The following C16orf96 variants were observed in gnomAD, a reference collection of about 807,000 sequenced individuals.
The protein encoded by C16orf96 is chromosome 16 open reading frame 96.
In C16orf96, 108 loss-of-function variants were observed where a neutral mutation model predicts 103.6. The observed-to-expected ratio is 1.04, with a 90% confidence interval of 0.89 to 1.22. The LOEUF is 1.22. C16orf96 is among the 50% of genes most tolerant of loss of function. The pLI, the probability that C16orf96 is intolerant of heterozygous loss-of-function variation, is 0.00. For missense variants in C16orf96, 1,586 were observed against 1,464.2 expected (o/e 1.08, Z -1.36); for synonymous variants, 566 against 593.5 (o/e 0.95, Z 0.67).
chr16:4,579,668 G>A (rs1292149526), intron 6 of C16orf96, among the ~76,000 whole-genome samples: 2 of 147,958 alleles, frequency 1.4e-5, no homozygotes, highest in Admixed American at 1.4e-4. Flanking sequence ...CTGGAGTGCA[G>A]TGGCGTGACC....
At position 4,575,589 on chromosome 16, in the gene C16orf96, T is replaced by TTGGACCTGTGCC; in HGVS notation, c.1112_1123dup (p.Gly371_Pro374dup). 6.6e-7 allele frequency: 1 copy of TTGGACCTGTGCC among 1,519,708 alleles called. No homozygotes were observed. Among genetic ancestry groups the TTGGACCTGTGCC allele is most frequent in the Non-Finnish European group, 8.8e-7 (1 of 1,133,840 alleles). 94.1% of individuals were successfully genotyped at this position (1,519,708 alleles called of 1,614,324 possible). ...TCCTTGCCAGCACCTTGGCCTGTGC[T>TTGGACCTGTGCC]TGGACCTGTGCCTGCCCCAGGTGCC... On this transcript the variant is annotated inframe_insertion, in exon 5 of 16. Coordinates refer to ENST00000444310, the MANE Select transcript of C16orf96 (RefSeq NM_001145011.2).
In C16orf96 at chr16:4,593,965, G is replaced by A. The variant is rs1431773904; in HGVS notation, c.2868-386G>A. Among the ~76,000 whole-genome samples the A allele has an allele frequency of 6.6e-6, 1 of 152,134 alleles. No individual in the cohort carries two copies. Among genetic ancestry groups the A allele is most frequent in the African/African-American group, 2.4e-5 (1 of 41,414 alleles). On this transcript the variant is annotated intron_variant, in intron 12 of 15. Coordinates refer to ENST00000444310, the MANE Select transcript of C16orf96 (RefSeq NM_001145011.2). This position sits in a 1 kb window ranked among gnomAD's most constrained non-coding sequence, Gnocchi z 4.2. ...TCTCCCCAGCCTCCAACCCTGCTGT[G>A]GGGACGTCTGGCCAGGTGGGGGAAG...
intron 14 of C16orf96, among the ~76,000 whole-genome samples, chr16:4,596,767 T>G (rs573018586): frequency 1.2e-4 from 18 of 152,230 alleles, no homozygotes; most frequent in Middle Eastern, 6.8e-3. Flanking sequence ...CCAGAGTTGA[T>G]CCTCCCGCTG....
At chr16:4,558,760 C>T (rs1467243673) in intron 1 of C16orf96, among the ~76,000 whole-genome samples, 3 of 151,838 alleles carry the variant, frequency 2.0e-5, no homozygotes, top group Non-Finnish European at 4.4e-5. Flanking sequence ...ACTAAAAATA[C>T]AAAAATTAGC....
Position 4,576,386 on chromosome 16 carries a change from C to G in C16orf96, c.1906C>G (p.Gln636Glu), listed in dbSNP as rs1175693708. The G allele has an allele frequency of 1.3e-6, 2 of 1,551,088 alleles. No individual in the cohort carries two copies. The highest frequency in any genetic ancestry group is 1.7e-6 in the Non-Finnish European group (2 of 1,147,014). The change falls in exon 5 of 16, where the codon CAG (glutamine) becomes GAG (glutamate). Residue 636 changes from glutamine (Q) to glutamate (E), a missense_variant. Transcript: ENST00000444310. ...GCCTTCCCGGGGAGCCACAGAATCC[C>G]AGATCTTGGGCGATGATTCCGAAAT... ...AGPSRGATESQILGDDSEIYE... is the reference protein window; with the variant it reads ...AGPSRGATESEILGDDSEIYE...
chr16:4,599,417 A>C (rs925813684), intron 15 of C16orf96, 53 bp downstream of exon 15: 5 of 1,463,406 alleles, frequency 3.4e-6, no homozygotes, highest in South Asian at 1.2e-5. Context: ...AAGGGTCTCC[A>C]GTCCCTCCTC....
chr16:4,588,449 A>G (rs1272748044), intron 9 of C16orf96, 118 bp downstream of exon 9: 4 of 1,179,036 alleles, frequency 3.4e-6, no homozygotes, highest in Non-Finnish European at 4.7e-6. Flanking sequence ...GTGACCCAGC[A>G]ACTTAGCTGG....
At chr16:4,568,444 G>C (rs1163853121) in intron 1 of C16orf96, among the ~76,000 whole-genome samples, 1 of 151,240 alleles carries the variant, frequency 6.6e-6, no homozygotes, top group Admixed American at 6.6e-5. Context: ...TTTCTTGCTG[G>C]CCTTTTGTTT....
intron 12 of C16orf96, among the ~76,000 whole-genome samples, 198 bp from the exon 13 acceptor site, chr16:4,594,153 G>C (rs1897119000): frequency 6.6e-6 from 1 of 152,230 alleles, no homozygotes; most frequent in Non-Finnish European, 1.5e-5. Flanking sequence ...GGAAATGCAG[G>C]TCTCAATTTG....
intron 9 of C16orf96, among the ~76,000 whole-genome samples, chr16:4,589,601 CAAA>C (rs112131978): frequency 9.4e-6 from 1 of 106,566 alleles, no homozygotes; most frequent in Non-Finnish European, 2.1e-5. Flanking sequence ...CCCTATCTCA[CAAA>C]AAAAAAAAAA....
intron 1 of C16orf96, among the ~76,000 whole-genome samples, chr16:4,566,068 A>C (rs575926208): frequency 1.8e-4 from 28 of 152,262 alleles, no homozygotes; most frequent in Non-Finnish European, 3.7e-4. Context: ...GCTGGTCTTG[A>C]ACTCCTGACC....
At chr16:4,587,203 A>T in intron 8 of C16orf96, 90 bp downstream of exon 8, 5 of 1,222,330 alleles carry the variant, frequency 4.1e-6, no homozygotes, top group Non-Finnish European at 5.9e-6. Flanking sequence ...AGTCTTCCAG[A>T]ATTTCCCTCC....
intron 1 of C16orf96, among the ~76,000 whole-genome samples, chr16:4,563,298 G>C (rs930073954): frequency 1.3e-5 from 2 of 152,134 alleles, no homozygotes; most frequent in African/African-American, 4.8e-5. Flanking sequence ...CGCCCAGGCT[G>C]GGGTGCAGTG....
rs372302980 is a variant in C16orf96 at position 4,593,185 on chromosome 16, G to A, written c.2775-39G>A. On this transcript the variant is annotated intron_variant, in intron 11 of 15. Coordinates refer to ENST00000444310, the MANE Select transcript of C16orf96 (RefSeq NM_001145011.2). The surrounding 1 kb of genome is among the most constrained non-coding windows in gnomAD (Gnocchi z 4.2). ...GACGAGCCCTCTGCTGGCCTAGCAC[G>A]CCTCCCACAGCCCCTGCTGTGCCCT... 8.9e-5 allele frequency: 137 copies of A among 1,534,676 alleles called. 1 individual carries two copies. In the East Asian group the frequency reaches 1.9e-3, roughly 21 times the overall value.
intron 14 of C16orf96, among the ~76,000 whole-genome samples, chr16:4,596,674 C>T (rs957571227): frequency 5.5e-5 from 6 of 110,068 alleles, no homozygotes; most frequent in African/African-American, 9.1e-5. Flanking sequence ...AGAGCCAGGC[C>T]CTGTCTCAAA....
intron 10 of C16orf96, 50 bp downstream of exon 10, chr16:4,591,834 G>A: frequency 7.3e-7 from 1 of 1,366,178 alleles, no homozygotes; most frequent in Non-Finnish European, 1.0e-6. Flanking sequence ...TGCCCAGGCT[G>A]TGGGGAACAC....
the C16orf96 span, among the ~76,000 whole-genome samples, chr16:4,543,267 T>G: frequency 6.6e-6 from 1 of 152,106 alleles, no homozygotes; most frequent in Non-Finnish European, 1.5e-5. Flanking sequence ...AATGCAAAGT[T>G]GCAGAGAAAT....
In C16orf96 at chr16:4,599,238, C is replaced by G. The variant is rs765649299; in HGVS notation, c.3128-46C>G. On this transcript the variant is annotated intron_variant, in intron 14 of 15. Coordinates refer to ENST00000444310, the MANE Select transcript of C16orf96 (RefSeq NM_001145011.2). Reference sequence around the variant, plus strand: ...TGCTGGGATCGGCCTGACACAGGCCCAGGGGTGGATGCCACCCACACCTGT... The same window carrying G: ...TGCTGGGATCGGCCTGACACAGGCCGAGGGGTGGATGCCACCCACACCTGT... The G allele has an allele frequency of 2.8e-5, 42 of 1,507,992 alleles. No homozygotes were observed. In the East Asian group the frequency reaches 9.1e-4, roughly 33 times the overall value. The allele number at this position is 1,507,992 out of a possible 1,614,324, so 93.4% of individuals were successfully genotyped here.
At chr16:4,589,246 A>G (rs1005112765) in intron 9 of C16orf96, among the ~76,000 whole-genome samples, 2 of 151,996 alleles carry the variant, frequency 1.3e-5, no homozygotes, top group African/African-American at 4.8e-5. Flanking sequence ...AACCTACAGG[A>G]TATTAGAGAG....
Sources: gnomAD v4.1 joint callset for allele counts (sites outside exome capture counted in the v4.1 genomes callset) on GRCh38, gnomAD v4.1.1 for gene constraint, Gnocchi (gnomAD v3.1) non-coding constraint, MANE v1.5 for transcripts, NCBI Gene and HGNC (gene_info 2026-07-23, HGNC 2026-07-21) for gene names.